MTCL1: variants seen among roughly 807,000 people sequenced by gnomAD.
MTCL1 encodes the protein microtubule crosslinking factor 1, also known as microtubule cross-linking factor 1.
A neutral mutation model predicts 141.4 loss-of-function variants in MTCL1; 79 were observed. That is an observed-to-expected ratio of 0.56 (90% confidence interval 0.47 to 0.67). The LOEUF (loss-of-function observed/expected upper bound fraction) is 0.67, where lower values mean the gene tolerates loss of function less well. MTCL1 is among the 30% of genes least tolerant of loss of function. MTCL1 has a pLI of 0.00. For missense variants in MTCL1, 2,177 were observed against 2,113.9 expected (o/e 1.03, Z -0.59); for synonymous variants, 914 against 875.8 (o/e 1.04, Z -0.77).
chr18:8,758,517 G>A (rs2096414117), intron 4 of MTCL1, among the ~76,000 whole-genome samples: 1 of 152,154 alleles, frequency 6.6e-6, no homozygotes, highest in Admixed American at 6.5e-5. Context: ...TAAAGGCAAA[G>A]GATACAGTCT....
intron 12 of MTCL1, among the ~76,000 whole-genome samples, chr18:8,813,756 T>C (rs1049286442): frequency 1.3e-5 from 2 of 152,104 alleles, no homozygotes; most frequent in Non-Finnish European, 2.9e-5. Flanking sequence ...AGATGGACCA[T>C]TGTCAAGAGA....
At position 8,718,664 on chromosome 18, in the gene MTCL1, G is replaced by T. The variant is rs1383475812; in HGVS notation, c.198+16G>T. The T allele has an allele frequency of 6.2e-7, 1 of 1,611,098 alleles. No individual in the cohort carries two copies. The highest frequency in any genetic ancestry group is 1.1e-5 in the South Asian group (1 of 90,966). On this transcript the variant is annotated intron_variant, in intron 3 of 16. Transcript: ENST00000359865. ...GGACTTGAAGGTGAGTGAGGGGGTG[G>T]TGCGTGCACCTCGCAAGGCTGCTGT...
At chr18:8,788,008 A>G (rs2075577845) in intron 7 of MTCL1, among the ~76,000 whole-genome samples, 1 of 96,170 alleles carries the variant, frequency 1.0e-5, no homozygotes, top group South Asian at 3.4e-4. Context: ...ACAATGGATA[A>G]TTCTGGGGGC....
intron 1 of MTCL1, among the ~76,000 whole-genome samples, chr18:8,710,837 CTTT>C (rs59041416): frequency 8.5e-4 from 69 of 80,934 alleles, no homozygotes; most frequent in African/African-American, 1.8e-3. Flanking sequence ...GGAAGGCTTT[CTTT>C]TTTTTTTTTT....
chr18:8,783,787 C>G, exon 6 of MTCL1: 2 of 1,613,272 alleles, frequency 1.2e-6, no homozygotes, highest in Non-Finnish European at 1.7e-6. Flanking sequence ...GCCGGAAGAT[C>G]GTGGAGCTGG....
At chr18:8,735,813 G>A (rs1235581932) in intron 4 of MTCL1, among the ~76,000 whole-genome samples, 1 of 152,188 alleles carries the variant, frequency 6.6e-6, no homozygotes, top group Non-Finnish European at 1.5e-5. Flanking sequence ...GGGAGAGTAG[G>A]TGGCGTGCCC....
At chr18:8,793,404 C>T (rs2075805848) in intron 8 of MTCL1, among the ~76,000 whole-genome samples, 1 of 152,214 alleles carries the variant, frequency 6.6e-6, no homozygotes, top group African/African-American at 2.4e-5. Flanking sequence ...ACCAGCCTAA[C>T]ATCAAGTAAG....
chr18:8,724,679 G>A (rs1226921044), intron 4 of MTCL1, among the ~76,000 whole-genome samples: 4 of 152,032 alleles, frequency 2.6e-5, no homozygotes, highest in African/African-American at 4.8e-5. Flanking sequence ...ACCCATCCCC[G>A]GCTCCCTGTT....
exon 6 of MTCL1, chr18:8,784,328 C>T: frequency 4.5e-6 from 7 of 1,554,308 alleles, no homozygotes; most frequent in Non-Finnish European, 6.1e-6. Flanking sequence ...CCTGCCCCAG[C>T]CCAAGCGGGA....
chr18:8,798,227 G>A (rs143637147), exon 10 of MTCL1: 11 of 1,595,538 alleles, frequency 6.9e-6, no homozygotes, highest in South Asian at 2.3e-5. Context: ...CCACACTCCC[G>A]GGTGCAGATT....
At position 8,830,064 on chromosome 18, in the gene MTCL1, A is replaced by G. The variant is rs1318363249; in HGVS notation, c.*18+1100A>G. 7.1e-6 allele frequency: 7 copies of G among 985,348 alleles called. No individual in the cohort carries two copies. Among genetic ancestry groups the G allele is most frequent in the Non-Finnish European group, 8.4e-6 (7 of 830,018 alleles). 61.0% of individuals were successfully genotyped at this position (985,348 alleles called of 1,614,324 possible). On this transcript the variant is annotated intron_variant, in intron 16 of 16. Transcript: ENST00000359865. This position sits in a 1 kb window ranked among gnomAD's most constrained non-coding sequence, Gnocchi z 6.4. ...CACACACAGAACAGATACACAATAC[A>G]CAACACACACACTACTTCTATAACA...
chr18:8,706,691 G>A (rs1317849451), exon 1 of MTCL1: 3 of 1,546,188 alleles, frequency 1.9e-6, no homozygotes, highest in African/African-American at 1.4e-5. Context: ...GAGGAGCTGC[G>A]CTCGGAGAAC....
chr18:8,755,069 A>G (rs1037323002), intron 4 of MTCL1, among the ~76,000 whole-genome samples: 1 of 152,204 alleles, frequency 6.6e-6, no homozygotes, highest in Non-Finnish European at 1.5e-5. Flanking sequence ...GACACAGCAC[A>G]TTTGAGTAAC....
At position 8,792,907 on chromosome 18, in the gene MTCL1, G is replaced by A. The variant is rs530612301; in HGVS notation, c.1888-91G>A. On this transcript the variant is annotated intron_variant, in intron 7 of 16. Coordinates refer to ENST00000359865, the Ensembl canonical transcript of MTCL1. ...ACACATGCTGTGTCGCTCCGTGTGC[G>A]TCCCCAGCTTGTGCAGATGTCTGTC... 7.2e-5 allele frequency: 111 copies of A among 1,535,162 alleles called. No homozygotes were observed. In the East Asian group the frequency reaches 9.3e-4, roughly 13 times the overall value.
intron 4 of MTCL1, among the ~76,000 whole-genome samples, chr18:8,724,039 G>A (rs531218479): frequency 6.6e-6 from 1 of 152,244 alleles, no homozygotes; most frequent in East Asian, 1.9e-4. Flanking sequence ...TTCCTTTTGG[G>A]GTGATGAAAA....
chr18:8,735,894 A>G (rs1248188366), intron 4 of MTCL1, among the ~76,000 whole-genome samples: 1 of 152,184 alleles, frequency 6.6e-6, no homozygotes, highest in East Asian at 1.9e-4. Context: ...AGGGGACAGA[A>G]CAAATGCTTT....
At chr18:8,722,525 A>C (rs1253596738) in intron 4 of MTCL1, among the ~76,000 whole-genome samples, 1 of 152,266 alleles carries the variant, frequency 6.6e-6, no homozygotes, top group Non-Finnish European at 1.5e-5. Flanking sequence ...TGCATGTTGT[A>C]TGTATTATGT....
At chr18:8,755,324 A>T (rs570431298) in intron 4 of MTCL1, among the ~76,000 whole-genome samples, 2 of 152,170 alleles carry the variant, frequency 1.3e-5, no homozygotes, top group Non-Finnish European at 2.9e-5. Flanking sequence ...AATGAAAATG[A>T]CCACATCAGC....
exon 6 of MTCL1, chr18:8,784,705 G>C: frequency 6.2e-7 from 1 of 1,614,222 alleles, no homozygotes; most frequent in South Asian, 1.1e-5. Flanking sequence ...CCTTCCTGGA[G>C]CAGGTGAACC....
Sources: gnomAD v4.1 joint callset for allele counts (sites outside exome capture counted in the v4.1 genomes callset) on GRCh38, gnomAD v4.1.1 for gene constraint, Gnocchi (gnomAD v3.1) non-coding constraint, MANE v1.5 for transcripts, NCBI Gene and HGNC (gene_info 2026-07-23, HGNC 2026-07-21) for gene names.